The following DZIP3 variants were observed in gnomAD, a reference collection of about 807,000 sequenced individuals.
The protein encoded by DZIP3 is DAZ interacting zinc finger protein 3, also known as E3 ubiquitin-protein ligase DZIP3.
In DZIP3, 118 loss-of-function variants were observed where a neutral mutation model predicts 162.0. That is an observed-to-expected ratio of 0.73 (90% CI 0.63 to 0.85). DZIP3 has a LOEUF of 0.85. DZIP3 is among the 40% of genes least tolerant of loss of function. The pLI, the probability that DZIP3 is intolerant of heterozygous loss-of-function variation, is 0.00. For synonymous variants in DZIP3, 438 were observed against 458.6 expected (o/e 0.96, Z 0.57); for missense variants, 1,331 against 1,407.0 (o/e 0.95, Z 0.86).
At chr3:108,592,778 G>T (rs1298863894) in intron 1 of DZIP3, among the ~76,000 whole-genome samples, 1 of 149,598 alleles carries the variant, frequency 6.7e-6, no homozygotes, top group Non-Finnish European at 1.5e-5. Flanking sequence ...TTGTCATACT[G>T]TCTTGTTCCA....
chr3:108,661,982 T>C lies in DZIP3; in HGVS notation c.2295+10T>C, dbSNP rs779615733. The C allele has an allele frequency of 3.4e-5, 54 of 1,611,928 alleles. No individual in the cohort carries two copies. The African/African-American group carries it at 6.3e-4, about 19-fold the overall frequency. On this transcript the variant is annotated intron_variant, in intron 20 of 32. Transcript: ENST00000361582. ...GCACTATCAGTGTGAAGTAAGTATT[T>C]TTGCCATTAGATCTGATGGAAGTGA...
At chr3:108,644,023 T>G in intron 13 of DZIP3, 141 bp from the exon 14 acceptor site, 1 of 1,008,160 alleles carries the variant, frequency 9.9e-7, no homozygotes, top group East Asian at 2.6e-5. Context: ...AATTGAGCAC[T>G]GGCTGTGGCA....
intron 6 of DZIP3, among the ~76,000 whole-genome samples, chr3:108,624,753 T>C (rs945922217): frequency 6.6e-6 from 1 of 152,132 alleles, no homozygotes; most frequent in Admixed American, 6.5e-5. Context: ...TATAGCTTAA[T>C]CCCTCTGGTT....
chr3:108,634,911 A>G lies in DZIP3; in HGVS notation c.857A>G (p.Tyr286Cys). The G allele has an allele frequency of 6.2e-7, 1 of 1,610,150 alleles. No homozygotes were observed. The highest frequency in any genetic ancestry group is 1.1e-5 in the South Asian group (1 of 90,498). Residue 286 changes from tyrosine (Y) to cysteine (C), a missense_variant, in exon 10 of 33, where the codon TAT becomes TGT. Tyr to Cys is a radical substitution (Grantham distance 194). Around this residue, in one of 2 missense-constraint regions of DZIP3, gnomAD observed 1,278 missense variants for 1,317.1 expected, o/e 0.97. Transcript: ENST00000361582. ...ATGTGCAGTAAAAGTTGCTGTGTTTATTTCCATAAAATTTGCTGGAAAAAG... is the reference window on the plus strand; with the variant it reads ...ATGTGCAGTAAAAGTTGCTGTGTTTGTTTCCATAAAATTTGCTGGAAAAAG... ...QLMCSKSCCV[Y>C]FHKICWKKFK... is the part of the protein sequence containing the mutation.
chr3:108,662,327 T>C lies in DZIP3; in HGVS notation c.2423+70T>C, dbSNP rs555942020. The C allele has an allele frequency of 2.0e-5, 30 of 1,495,578 alleles. No homozygotes were observed. The East Asian group carries it at 6.3e-4, about 31-fold the overall frequency. 92.6% of individuals were successfully genotyped at this position (1,495,578 alleles called of 1,614,324 possible). A position where few individuals can be genotyped will look rare whatever the true frequency, so the allele number is the denominator to read the frequency against. ...AACAGTATCTTTAATAGTTAATCTC[T>C]GCATAACCACTAGGTGGCACTGTGA... is the stretch of plus-strand genomic sequence containing the variant. On this transcript the variant is annotated intron_variant, in intron 21 of 32. Coordinates refer to ENST00000361582, the MANE Select transcript of DZIP3 (RefSeq NM_014648.4).
intron 14 of DZIP3, 116 bp from the exon 15 acceptor site, chr3:108,646,493 TATTTTTCC>T (rs1343552914): frequency 7.4e-5 from 53 of 715,930 alleles, no homozygotes; most frequent in South Asian, 5.8e-4. Context: ...CAAAGCTGGT[TATTTTTCC>T]AGTTACTTAC....
rs758033535 is a variant in DZIP3 at position 108,642,503 on chromosome 3, T to G, written c.1130T>G (p.Phe377Cys). ...TDIRPKISLKFNTKDEMPIFK... is the reference protein window; with the variant it reads ...TDIRPKISLKCNTKDEMPIFK... ...ATAAGACCGAAGATCAGTTTAAAATTTAATACAAAAGGTATTATTTTATTT... is the reference window on the plus strand; with the variant it reads ...ATAAGACCGAAGATCAGTTTAAAATGTAATACAAAAGGTATTATTTTATTT... Residue 377 changes from phenylalanine (F) to cysteine (C), a missense_variant, in exon 13 of 33, where the codon TTT becomes TGT. Physicochemically the swap from Phe to Cys is radical, Grantham distance 205 (BLOSUM62 -2). Coordinates refer to ENST00000361582, the MANE Select transcript of DZIP3 (RefSeq NM_014648.4). 1.4e-5 allele frequency: 20 copies of G among 1,470,310 alleles called. No individual in the cohort carries two copies. The highest frequency in any genetic ancestry group is 1.7e-5 in the Non-Finnish European group (18 of 1,089,002). 91.1% of individuals were successfully genotyped at this position (1,470,310 alleles called of 1,614,324 possible). A position where few individuals can be genotyped will look rare whatever the true frequency, so the allele number is the denominator to read the frequency against.
chr3:108,669,881 A>G (rs1256203787), intron 22 of DZIP3, 132 bp downstream of exon 22: 1 of 654,396 alleles, frequency 1.5e-6, no homozygotes, highest in Admixed American at 2.7e-5. Flanking sequence ...GAACAGTACT[A>G]ATAATACACT....
At chr3:108,667,527 C>G (rs1360547105) in intron 21 of DZIP3, among the ~76,000 whole-genome samples, 8 of 151,886 alleles carry the variant, frequency 5.3e-5, no homozygotes, top group Non-Finnish European at 1.2e-4. Context: ...TTTAAAAGGG[C>G]AAAATGAAGG....
Position 108,669,697 on chromosome 3 carries a change from C to T in DZIP3, c.2440C>T (p.His814Tyr). The change falls in exon 22 of 33, where the codon CAT becomes TAT. Residue 814 changes from histidine to tyrosine, a missense_variant. Around this residue, in one of 2 missense-constraint regions of DZIP3, gnomAD observed 1,278 missense variants for 1,317.1 expected, o/e 0.97. Coordinates refer to ENST00000361582, the MANE Select transcript of DZIP3 (RefSeq NM_014648.4). The part of the protein sequence containing the change: ...NKVSKLQRQI[H>Y]AKDNEIKNLK... ...TTTGCTTAGATTACAGCGTCAAATC[C>T]ATGCTAAAGATAATGAAATCAAGAA... 1 of 1,610,978 alleles carries T rather than the reference C, an allele frequency of 6.2e-7. No homozygotes were observed. The highest frequency in any genetic ancestry group is 8.5e-7 in the Non-Finnish European group (1 of 1,178,170).
At chr3:108,675,114 G>A (rs528246432) in intron 24 of DZIP3, among the ~76,000 whole-genome samples, 2 of 152,038 alleles carry the variant, frequency 1.3e-5, no homozygotes, top group African/African-American at 4.8e-5. Context: ...GGCGTGGGAT[G>A]TTATAATGGA....
chr3:108,671,485 C>T (rs1438707723), intron 22 of DZIP3, among the ~76,000 whole-genome samples: 1 of 151,830 alleles, frequency 6.6e-6, no homozygotes, highest in Non-Finnish European at 1.5e-5. Context: ...AAAAAAGGAA[C>T]CTCATAGGTA....
At chr3:108,664,253 G>T (rs971240260) in intron 21 of DZIP3, among the ~76,000 whole-genome samples, 1 of 152,180 alleles carries the variant, frequency 6.6e-6, no homozygotes, top group Admixed American at 6.5e-5. Flanking sequence ...ATCAGTAAAA[G>T]GAAATTATAA....
chr3:108,600,582 T>G (rs1450499420), intron 1 of DZIP3, among the ~76,000 whole-genome samples: 1 of 152,206 alleles, frequency 6.6e-6, no homozygotes, highest in Non-Finnish European at 1.5e-5. Flanking sequence ...TCATTAACAT[T>G]CCTTTCCAAA....
intron 12 of DZIP3, 144 bp downstream of exon 12, chr3:108,637,692 C>A (rs3112024): frequency 3.6e-6 from 2 of 558,730 alleles, no homozygotes; most frequent in Non-Finnish European, 6.1e-6. Flanking sequence ...ATTGCCATTT[C>A]TTTCCCTCTC....
At chr3:108,631,093 T>TCTCTCTCTCTCTCTCTCC in intron 8 of DZIP3, among the ~76,000 whole-genome samples, 2 of 144,818 alleles carry the variant, frequency 1.4e-5, no homozygotes, top group East Asian at 2.1e-4. Flanking sequence ...TCTCTCTCTC[T>TCTCTCTCTCTCTCTCTCC]CCTATCCTAC....
intron 4 of DZIP3, among the ~76,000 whole-genome samples, chr3:108,615,641 A>G (rs976480295): frequency 6.6e-6 from 1 of 152,218 alleles, no homozygotes; most frequent in Admixed American, 6.5e-5. Context: ...TAAACAGATT[A>G]TGTAATATAA....
At chr3:108,673,274 A>G (rs1482315099) in intron 23 of DZIP3, among the ~76,000 whole-genome samples, 1 of 151,962 alleles carries the variant, frequency 6.6e-6, no homozygotes. Context: ...TCTGTTCTCT[A>G]GCAGAGTACT....
intron 21 of DZIP3, among the ~76,000 whole-genome samples, chr3:108,665,101 A>T (rs1380625342): frequency 6.6e-6 from 1 of 152,198 alleles, no homozygotes; most frequent in Non-Finnish European, 1.5e-5. Context: ...CATACCAAGA[A>T]CCAGGAAATT....
Sources: allele counts gnomAD v4.1 joint callset (sites outside exome capture counted in the v4.1 genomes callset), GRCh38; gene constraint gnomAD v4.1.1; regional missense constraint gnomAD v4.1.1; transcripts MANE v1.5; gene names NCBI Gene and HGNC (gene_info 2026-07-23, HGNC 2026-07-21).